Variants in WNK1 observed in about 807,000 individuals in gnomAD.
The protein encoded by WNK1 is serine/threonine-protein kinase WNK1.
In WNK1, 38 loss-of-function variants were observed where a neutral mutation model predicts 222.8. That is an observed-to-expected ratio of 0.17 (90% CI 0.13 to 0.22). The LOEUF is 0.22. WNK1 is among the 10% of genes least tolerant of loss of function. WNK1 has a pLI of 1.00. For missense variants in WNK1, 2,348 were observed against 2,918.4 expected (o/e 0.80, Z 4.50); for synonymous variants, 1,090 against 1,092.9 (o/e 1.00, Z 0.05).
At chr12:869,315 T>G in intron 8 of WNK1, 1 of 659,950 alleles carries the variant, frequency 1.5e-6, no homozygotes, top group Non-Finnish European at 2.6e-6. Context: ...ACCTATTATA[T>G]GTGAAAACCA....
chr12:831,155 C>T (rs1411219180), intron 4 of WNK1, among the ~76,000 whole-genome samples: 3 of 152,106 alleles, frequency 2.0e-5, no homozygotes, highest in Non-Finnish European at 4.4e-5. Flanking sequence ...CTCGCATTCA[C>T]CCAAGAGTGT....
intron 4 of WNK1, among the ~76,000 whole-genome samples, chr12:838,075 T>G (rs1949335770): frequency 9.7e-6 from 1 of 103,524 alleles, no homozygotes; most frequent in Non-Finnish European, 1.9e-5. Context: ...TGAGTAATAT[T>G]CCAGTGTGTG....
chr12:889,109 A>T, intron 20 of WNK1, 31 bp from the exon 21 acceptor site: 1 of 1,594,444 alleles, frequency 6.3e-7, no homozygotes. Context: ...GGTGCCACGG[A>T]ACTGTATTTA....
At chr12:907,583 G>A (rs1370962256) in intron 26 of WNK1, 2 of 525,452 alleles carry the variant, frequency 3.8e-6, no homozygotes, top group Non-Finnish European at 3.4e-6. Flanking sequence ...TGAATGGACT[G>A]AAAGAGGCCC....
rs746601991 is a variant in WNK1, at chr12:884,847, C to T, written c.4043C>T (p.Thr1348Ile). The change falls in exon 19 of 28, where the codon ACC becomes ATC. Residue 1348 changes from threonine (T) to isoleucine (I), a missense_variant. Thr to Ile is a moderately conservative substitution (Grantham distance 89). Transcript: ENST00000315939. The surrounding 1 kb of genome is among the most constrained non-coding windows in gnomAD (Gnocchi z 5.6). ...TTAAGTAGCATTGCTGGAGTCCCAA[C>T]CACAGCAGCAGCCACAGCACCAGTC... Reference protein sequence around the residue: ...PFLSSIAGVPTTAAATAPVPA... With the variant: ...PFLSSIAGVPITAAATAPVPA... The T allele has an allele frequency of 2.8e-5, 45 of 1,614,022 alleles. No individual in the cohort carries two copies. The highest frequency in any genetic ancestry group is 3.6e-5 in the Non-Finnish European group (43 of 1,180,012).
In WNK1 at chr12:880,777, T is replaced by C. The variant is rs1953081449; in HGVS notation, c.2889T>C (p.Ser963=). 11 of 1,614,098 alleles carry C rather than the reference T, an allele frequency of 6.8e-6. No homozygotes were observed. The highest frequency in any genetic ancestry group is 8.5e-6 in the Non-Finnish European group (10 of 1,180,016). Residue 963 remains serine (S), a synonymous_variant, in exon 12 of 28, where the codon TCT becomes TCC. Coordinates refer to ENST00000315939, the MANE Select transcript of WNK1 (RefSeq NM_018979.4). ...QYPGDSNIAP[S]SNVASVCIHS... ...CAGGAGATTCAAATATTGCTCCCTC[T>C]TCCAACGTGGCTTCTGTTTGCATCC...
At position 910,469 on chromosome 12, in the gene WNK1, C is replaced by G. The variant is rs1555165604; in HGVS notation, c.*1677C>G. The G allele has an allele frequency of 6.6e-6, 1 of 152,106 alleles. No homozygotes were observed. Among genetic ancestry groups the G allele is most frequent in the Non-Finnish European group, 1.5e-5 (1 of 68,020 alleles). 9.4% of individuals were successfully genotyped at this position (152,106 alleles called of 1,614,324 possible). On this transcript the variant is annotated 3_prime_UTR_variant, in exon 28 of 28. Transcript: ENST00000315939. ...TACTCCCCGTAAGTAATAACTGCAA[C>G]CAATCAGTGTTATTCAGTGCTATGC...
chr12:888,305 C>T (rs1442862152), intron 20 of WNK1, among the ~76,000 whole-genome samples: 1 of 152,156 alleles, frequency 6.6e-6, no homozygotes, highest in Non-Finnish European at 1.5e-5. Context: ...CCATCAGCCA[C>T]CACATTTGGG....
chr12:910,288 A>G lies in WNK1; in HGVS notation c.*1496A>G, dbSNP rs886375016. 1.3e-4 allele frequency: 8 copies of G among 63,040 alleles called. No individual in the cohort carries two copies. Among genetic ancestry groups the G allele is most frequent in the Non-Finnish European group, 1.2e-4 (3 of 25,508 alleles). The allele number at this position is 63,040 out of a possible 1,614,324, so 3.9% of individuals were successfully genotyped here. On this transcript the variant is annotated 3_prime_UTR_variant, in exon 28 of 28. Transcript: ENST00000315939. ...ACTACATTTTGTGGAAAGTTAATCT[A>G]TCTATCTTTCCACATCTGAATTAAT...
chr12:889,148 A>G lies in WNK1; in HGVS notation c.5373A>G (p.Gln1791=). ...TGATTGTTTTCATTCAGTCCCAGCA[A>G]CCTCTAGAGGATCTTGATGCTCAAT... ...FPGPSLTQSQ[Q]PLEDLDAQLR... is the part of the protein sequence containing the mutation. The change falls in exon 21 of 28, where the codon CAA becomes CAG. Residue 1791 remains glutamine, a synonymous_variant. Transcript: ENST00000315939. 1 of 1,614,010 alleles carries G rather than the reference A, an allele frequency of 6.2e-7. No homozygotes were observed. The highest frequency in any genetic ancestry group is 1.7e-5 in the Admixed American group (1 of 60,022).
Position 753,776 on chromosome 12 carries a change from A to C in WNK1, c.211A>C (p.Thr71Pro). Residue 71 changes from threonine (T) to proline (P), a missense_variant, in exon 1 of 28, where the codon ACC (threonine) becomes CCC (proline). Physicochemically the swap from Thr to Pro is conservative, Grantham distance 38 (BLOSUM62 -1). Around this residue, in one of 13 missense-constraint regions of WNK1, gnomAD observed 108 missense variants for 109.7 expected, o/e 0.98. Transcript: ENST00000315939. The surrounding 1 kb of genome is among the most constrained non-coding windows in gnomAD (Gnocchi z 5.2). ...CAAGGACAGCCGTGGGGCGGCCGCG[A>C]CCACTACCACCACTGAGCACCGCTT... ...MDKDSRGAAA[T>P]TTTTEHRFFR... 1 of 1,612,366 alleles carries C rather than the reference A, an allele frequency of 6.2e-7. No individual in the cohort carries two copies. The highest frequency in any genetic ancestry group is 8.5e-7 in the Non-Finnish European group (1 of 1,179,928).
At chr12:893,823 A>AAATAATAATAATAATAATAATTAATAAT (rs1555156432) in intron 22 of WNK1, among the ~76,000 whole-genome samples, 1 of 143,788 alleles carries the variant, frequency 7.0e-6, no homozygotes, top group Non-Finnish European at 1.5e-5. Context: ...ACTCCATCTC[A>AAATAATAATAATAATAATAATTAATAAT]AATAATAATA....
chr12:795,135 T>C (rs1174351423), intron 1 of WNK1, among the ~76,000 whole-genome samples: 1 of 152,180 alleles, frequency 6.6e-6, no homozygotes. Flanking sequence ...ATTCCTCTTA[T>C]ATTTTTTGGA....
At chr12:784,305 GCTA>G (rs1241614137) in intron 1 of WNK1, among the ~76,000 whole-genome samples, 1 of 151,952 alleles carries the variant, frequency 6.6e-6, no homozygotes, top group East Asian at 1.9e-4. Flanking sequence ...TTGGCTAATG[GCTA>G]CTATTACTGG....
chr12:886,273 T>C (rs2154084963), intron 19 of WNK1, among the ~76,000 whole-genome samples, 189 bp downstream of exon 19: 1 of 152,214 alleles, frequency 6.6e-6, no homozygotes, highest in East Asian at 1.9e-4. Context: ...TTTTCAAGTG[T>C]GGCAGGATTT....
chr12:883,961 G>T, intron 17 of WNK1, 130 bp downstream of exon 17: 1 of 1,479,928 alleles, frequency 6.8e-7, no homozygotes, highest in Middle Eastern at 2.3e-4. Context: ...CCAGGAGGCG[G>T]AGGTTGCAGT....
chr12:785,429 T>A (rs1247122341), intron 1 of WNK1, among the ~76,000 whole-genome samples: 1 of 109,152 alleles, frequency 9.2e-6, no homozygotes, highest in Non-Finnish European at 1.7e-5. Context: ...AAGTGGAGTC[T>A]TGCTCTGTCA....
intron 1 of WNK1, among the ~76,000 whole-genome samples, chr12:791,591 A>G (rs996563315): frequency 2.0e-5 from 3 of 151,716 alleles, no homozygotes; most frequent in Non-Finnish European, 4.4e-5. Context: ...TTCCTATTAC[A>G]TTTTATATCT....
chr12:895,064 C>G (rs1164201265), intron 23 of WNK1, among the ~76,000 whole-genome samples: 3 of 152,168 alleles, frequency 2.0e-5, no homozygotes, highest in African/African-American at 4.8e-5. Flanking sequence ...CAGCAAACAT[C>G]TTTGTGTATA....
Sources: allele counts gnomAD v4.1 joint callset (sites outside exome capture counted in the v4.1 genomes callset), GRCh38; gene constraint gnomAD v4.1.1; regional missense constraint gnomAD v4.1.1; non-coding constraint Gnocchi (gnomAD v3.1); transcripts MANE v1.5; gene names NCBI Gene and HGNC (gene_info 2026-07-23, HGNC 2026-07-21).